The following PTPRN2 variants were observed in gnomAD, a reference collection of about 807,000 sequenced individuals.
PTPRN2 encodes receptor-type tyrosine-protein phosphatase N2.
Under a neutral mutation model 118.8 loss-of-function variants are expected in PTPRN2, and 74 were observed. The ratio of observed to expected loss-of-function variants is 0.62; its 90% CI spans 0.52 to 0.76. The LOEUF is 0.76. Among genes scored for constraint, PTPRN2 ranks in the 30% least tolerant of loss-of-function variants. PTPRN2 has a pLI of 0.00. For missense variants in PTPRN2, 1,481 were observed against 1,394.4 expected, an observed-to-expected ratio of 1.06 and a Z score of -0.99; for synonymous variants, 641 against 608.0, an observed-to-expected ratio of 1.05 and a Z score of -0.80.
chr7:158,263,784 A>T (rs543398791), intron 3 of PTPRN2, among the ~76,000 whole-genome samples: 2 of 152,196 alleles, frequency 1.3e-5, no homozygotes, highest in Non-Finnish European at 2.9e-5. Flanking sequence ...ACCTCCTGCC[A>T]GTTGTGGACA....
In PTPRN2 at chr7:158,140,573, G is replaced by A. The variant is rs369585688; in HGVS notation, c.911-2058C>T. ...ACCTAGAACCAGTCAGGCTGAGTGAGAGAAGCCGGTCACCAGAGAATCCAC... is the reference window on the plus strand; with the variant it reads ...ACCTAGAACCAGTCAGGCTGAGTGAAAGAAGCCGGTCACCAGAGAATCCAC... On this transcript the variant is annotated intron_variant, in intron 6 of 22. Coordinates refer to ENST00000389418, the MANE Select transcript of PTPRN2 (RefSeq NM_002847.5). Among the ~76,000 whole-genome samples the A allele has an allele frequency of 2.8e-4, 42 of 152,296 alleles. No individual in the cohort carries two copies. In the South Asian group the frequency reaches 7.1e-3, roughly 26 times the overall value.
chr7:158,469,151 ACT>A (rs1427019036), intron 2 of PTPRN2, among the ~76,000 whole-genome samples: 2 of 152,192 alleles, frequency 1.3e-5, no homozygotes, highest in Non-Finnish European at 2.9e-5. Context: ...AAAGGAAAAC[ACT>A]GTTTTTGGCT....
At chr7:157,578,901 T>C (rs1020553824) in intron 17 of PTPRN2, among the ~76,000 whole-genome samples, 4 of 152,270 alleles carry the variant, frequency 2.6e-5, no homozygotes, top group African/African-American at 9.6e-5. Context: ...TAGATTTTTA[T>C]TAGCATATGA....
chr7:157,803,108 G>A (rs1398216860), intron 12 of PTPRN2, among the ~76,000 whole-genome samples: 3 of 152,008 alleles, frequency 2.0e-5, no homozygotes, highest in Non-Finnish European at 2.9e-5. Flanking sequence ...GGGATTACGG[G>A]TGCCCGCCAT....
chr7:157,914,224 A>T (rs1484444908), intron 11 of PTPRN2, among the ~76,000 whole-genome samples: 1 of 152,112 alleles, frequency 6.6e-6, no homozygotes, highest in Non-Finnish European at 1.5e-5. Context: ...AAGACAAAAA[A>T]TTTTGCTTTT....
chr7:157,571,593 T>A, intron 19 of PTPRN2, 100 bp from the exon 20 acceptor site: 1 of 832,468 alleles, frequency 1.2e-6, no homozygotes, highest in South Asian at 1.8e-5. Context: ...GTGTTTGAAA[T>A]CATTTTGCAA....
intron 11 of PTPRN2, among the ~76,000 whole-genome samples, chr7:158,057,867 C>T (rs908313243): frequency 1.5e-4 from 23 of 152,202 alleles, no homozygotes; most frequent in Non-Finnish European, 2.5e-4. Flanking sequence ...CCAAGGAACA[C>T]GGGCCGTGAA....
At chr7:157,582,738 G>A (rs533348448) in intron 17 of PTPRN2, among the ~76,000 whole-genome samples, 51 of 151,966 alleles carry the variant, frequency 3.4e-4, no homozygotes, top group South Asian at 6.2e-4. Context: ...GCCGGGTATC[G>A]TGGCATGCAC....
intron 6 of PTPRN2, among the ~76,000 whole-genome samples, chr7:158,160,100 C>G (rs374893177): frequency 6.6e-6 from 1 of 152,158 alleles, no homozygotes; most frequent in African/African-American, 2.4e-5. Context: ...TTAAGCATAA[C>G]TTAAGGAGTT....
chr7:158,270,332 C>A (rs1247522672), intron 3 of PTPRN2, among the ~76,000 whole-genome samples: 1 of 152,094 alleles, frequency 6.6e-6, no homozygotes, highest in Admixed American at 6.6e-5. Context: ...AGAGCGGGAG[C>A]CAGGCGGGGG....
Position 157,892,869 on chromosome 7 carries a change from G to C in PTPRN2, c.1788+5804C>G, listed in dbSNP as rs188160486. On this transcript the variant is annotated intron_variant, in intron 12 of 22. Transcript: ENST00000389418. Reference sequence around the variant, plus strand: ...AGAGCTCCCATTCCAGGTGAAGCTGGAGATGCATCCAGGAATAAGGCCCAT... The same window carrying C: ...AGAGCTCCCATTCCAGGTGAAGCTGCAGATGCATCCAGGAATAAGGCCCAT... Among the ~76,000 whole-genome samples, 20 of 152,272 alleles carry C rather than the reference G, an allele frequency of 1.3e-4. No homozygotes were observed. In the East Asian group the frequency reaches 3.3e-3, roughly 25 times the overall value.
chr7:157,601,980 T>G (rs1215735812), intron 16 of PTPRN2, among the ~76,000 whole-genome samples: 1 of 152,220 alleles, frequency 6.6e-6, no homozygotes, highest in Non-Finnish European at 1.5e-5. Context: ...GTTCTGTTCA[T>G]CAAGTGAGAG....
rs1800984258 is a variant in PTPRN2, at chr7:157,591,485, A to T, written c.2496+3753T>A. On this transcript the variant is annotated intron_variant, in intron 17 of 22. Coordinates refer to ENST00000389418, the MANE Select transcript of PTPRN2 (RefSeq NM_002847.5). This position sits in a 1 kb window ranked among gnomAD's most constrained non-coding sequence, Gnocchi z 4.4. Reference sequence around the variant, plus strand: ...AACTCAGCCTGTTGACTTCGTCATCACCAACTTCGCATTTCAAATCCACCT... The same window carrying T: ...AACTCAGCCTGTTGACTTCGTCATCTCCAACTTCGCATTTCAAATCCACCT... Among the ~76,000 whole-genome samples the T allele has an allele frequency of 6.6e-6, 1 of 152,244 alleles. No individual in the cohort carries two copies. The highest frequency in any genetic ancestry group is 6.5e-5 in the Admixed American group (1 of 15,280).
In PTPRN2 at chr7:157,576,788, G is replaced by C. The variant is rs375650311; in HGVS notation, c.2617-9C>G. Reference sequence around the variant, plus strand: ...TCGGAGACCAGGTTCACCTGGCAGGGAGGAGCGGAGGGAGGGGACAGAGAC... The same window carrying C: ...TCGGAGACCAGGTTCACCTGGCAGGCAGGAGCGGAGGGAGGGGACAGAGAC... On this transcript the variant is annotated splice_polypyrimidine_tract_variant and intron_variant, in intron 18 of 22. Transcript: ENST00000389418. The C allele has an allele frequency of 1.5e-5, 24 of 1,590,458 alleles. No individual in the cohort carries two copies. In the African/African-American group the frequency reaches 2.8e-4, roughly 19 times the overall value.
intron 12 of PTPRN2, among the ~76,000 whole-genome samples, chr7:157,721,160 A>T (rs1187970920): frequency 6.6e-6 from 1 of 152,190 alleles, no homozygotes; most frequent in Admixed American, 6.5e-5. Context: ...AAAGGAATAG[A>T]AAGAAACAGC....
intron 15 of PTPRN2, among the ~76,000 whole-genome samples, chr7:157,612,745 C>A (rs1244720514): frequency 6.6e-6 from 1 of 152,218 alleles, no homozygotes; most frequent in Non-Finnish European, 1.5e-5. Flanking sequence ...AGAGGCGTAA[C>A]TGATGGGCAG....
chr7:158,270,865 GACC>G lies in PTPRN2; in HGVS notation c.277+45951_277+45953del, dbSNP rs1228716290. On this transcript the variant is annotated intron_variant, in intron 3 of 22. Coordinates refer to ENST00000389418, the MANE Select transcript of PTPRN2 (RefSeq NM_002847.5). ...CTCACCTGGACCGCCCCCCCACCTG[GACC>G]GCCCCCTCCACCTGGATGACCCCCT... Among the ~76,000 whole-genome samples, 5 of 46,502 alleles carry G rather than the reference GACC, an allele frequency of 1.1e-4. 1 individual carries two copies. Among genetic ancestry groups the G allele is most frequent in the Middle Eastern group, 0.019 (1 of 54 alleles). 30.5% of individuals were successfully genotyped at this position (46,502 alleles called of 152,430 possible). A position where few individuals can be genotyped will look rare whatever the true frequency, so the allele number is the denominator to read the frequency against.
Position 157,752,945 on chromosome 7 carries a change from G to C in PTPRN2, c.1789-70008C>G, listed in dbSNP as rs1056581891. ...CTGGCAGCACCCACTCCTGCTGGAA[G>C]CCCAGACAGTCAGTGACCAGATGGT... On this transcript the variant is annotated intron_variant, in intron 12 of 22. Transcript: ENST00000389418. Among the ~76,000 whole-genome samples, 10 of 152,342 alleles carry C rather than the reference G, an allele frequency of 6.6e-5. 1 individual carries two copies. Among genetic ancestry groups the C allele is most frequent in the African/African-American group, 2.2e-4 (9 of 41,566 alleles).
At chr7:157,710,495 C>T (rs921527337) in intron 12 of PTPRN2, among the ~76,000 whole-genome samples, 1 of 150,804 alleles carries the variant, frequency 6.6e-6, no homozygotes, top group East Asian at 2.0e-4. Flanking sequence ...CCCCCCGCCC[C>T]GTGGCACAGG....
Sources: allele counts gnomAD v4.1 joint callset (sites outside exome capture counted in the v4.1 genomes callset), GRCh38; gene constraint gnomAD v4.1.1; non-coding constraint Gnocchi (gnomAD v3.1); transcripts MANE v1.5; gene names NCBI Gene and HGNC (gene_info 2026-07-23, HGNC 2026-07-21).